The following DNAH8 variants were observed in gnomAD, a reference collection of about 807,000 sequenced individuals.
The protein encoded by DNAH8 is axonemal beta dynein heavy chain 8.
Under a neutral mutation model 562.1 loss-of-function variants are expected in DNAH8, and 382 were observed. That is an observed-to-expected ratio of 0.68 (90% CI 0.63 to 0.74). The LOEUF (loss-of-function observed/expected upper bound fraction) is 0.74, where lower values mean the gene tolerates loss of function less well. Ranked by LOEUF, DNAH8 falls within the 30% of genes least tolerant of loss-of-function variation. The pLI is 0.00. For synonymous variants in DNAH8, 1,881 were observed against 1,919.4 expected (o/e 0.98, Z 0.52); for missense variants, 5,203 against 5,620.4 (o/e 0.93, Z 2.37).
In DNAH8 at chr6:39,007,767, T is replaced by A. The variant is rs1765888745; in HGVS notation, c.13215-1047T>A. ...TTTTCACCCCAACCCTTACTTCTTATCTGAATGTCCTTTTCTGCCTCCCAC... is the reference window on the plus strand; with the variant it reads ...TTTTCACCCCAACCCTTACTTCTTAACTGAATGTCCTTTTCTGCCTCCCAC... On this transcript the variant is annotated intron_variant, in intron 88 of 92. Transcript: ENST00000327475. 3.9e-5 allele frequency among the ~76,000 whole-genome samples: 6 copies of A among 152,286 alleles called. No homozygotes were observed. The South Asian group carries it at 1.2e-3, about 32-fold the overall frequency.
intron 57 of DNAH8, among the ~76,000 whole-genome samples, chr6:38,888,022 A>T (rs951531197): frequency 2.6e-5 from 4 of 151,814 alleles, no homozygotes; most frequent in Non-Finnish European, 2.9e-5. Flanking sequence ...TATTTTTAGT[A>T]GAGACGGGGT....
chr6:39,002,594 GCATGTTT>G (rs1765560820), intron 88 of DNAH8, among the ~76,000 whole-genome samples: 1 of 152,136 alleles, frequency 6.6e-6, no homozygotes, highest in South Asian at 2.1e-4. Flanking sequence ...TCAACTGCAT[GCATGTTT>G]CAACTTTTAA....
At chr6:38,839,647 C>G (rs914149923) in intron 33 of DNAH8, among the ~76,000 whole-genome samples, 1 of 151,798 alleles carries the variant, frequency 6.6e-6, no homozygotes, top group Non-Finnish European at 1.5e-5. Flanking sequence ...TGTGAGCACC[C>G]GCACCCAACC....
At chr6:38,857,434 A>G (rs769109929) in intron 41 of DNAH8, 84 bp from the exon 42 acceptor site, 2 of 839,248 alleles carry the variant, frequency 2.4e-6, no homozygotes, top group Non-Finnish European at 3.8e-6. Flanking sequence ...TTAGTTTAAA[A>G]TGTGAATAAG....
At chr6:38,869,467 C>A (rs1211805604) in intron 48 of DNAH8, among the ~76,000 whole-genome samples, 4 of 152,002 alleles carry the variant, frequency 2.6e-5, no homozygotes, top group African/African-American at 2.4e-5. Flanking sequence ...AATTCCTAGA[C>A]AAGTACTCAA....
chr6:38,767,593 A>G (rs952438839), intron 11 of DNAH8, among the ~76,000 whole-genome samples: 1 of 152,180 alleles, frequency 6.6e-6, no homozygotes, highest in South Asian at 2.1e-4. Context: ...ACTTTGTGCA[A>G]TATTTTCATC....
In DNAH8 at chr6:38,870,420, T is replaced by G. The variant is rs1464451033; in HGVS notation, c.6848T>G (p.Leu2283Arg). The G allele has an allele frequency of 6.2e-7, 1 of 1,613,652 alleles. No homozygotes were observed. The highest frequency in any genetic ancestry group is 8.5e-7 in the Non-Finnish European group (1 of 1,179,834). The change falls in exon 49 of 93, where the codon CTG becomes CGG. Residue 2283 changes from leucine to arginine, a missense_variant. By Grantham distance (102) the Leu-to-Arg change is moderately radical (BLOSUM62 -2). This residue lies in a region of DNAH8 where 2,176 missense variants were observed against 2,365.1 expected (regional missense o/e 0.92). Transcript: ENST00000327475. ...LSKLVDEDEP[L>R]FLSLINDLFP... The stretch of plus-strand genomic sequence containing the variant: ...CCTTAGGTTGATGAAGATGAACCCC[T>G]GTTCCTCAGCTTAATCAATGACCTG...
intron 82 of DNAH8, among the ~76,000 whole-genome samples, chr6:38,959,482 A>C (rs1205315817): frequency 6.6e-6 from 1 of 152,128 alleles, no homozygotes; most frequent in Non-Finnish European, 1.5e-5. Context: ...ACATTGAACT[A>C]TCTGAAAAAG....
At chr6:38,747,389 T>TCTTTTTC (rs71543940) in intron 8 of DNAH8, among the ~76,000 whole-genome samples, 1 of 145,534 alleles carries the variant, frequency 6.9e-6, no homozygotes, top group African/African-American at 2.5e-5. Flanking sequence ...TTTTTCTTTT[T>TCTTTTTC]TTTTTTTTTT....
intron 48 of DNAH8, among the ~76,000 whole-genome samples, chr6:38,869,513 A>C (rs752615228): frequency 1.3e-5 from 2 of 152,164 alleles, no homozygotes; most frequent in Non-Finnish European, 2.9e-5. Context: ...ATAAAGAGAA[A>C]TCATAAGGGG....
chr6:38,720,424 T>C (rs1158030165), intron 1 of DNAH8, among the ~76,000 whole-genome samples: 8 of 152,174 alleles, frequency 5.3e-5, no homozygotes, highest in Non-Finnish European at 1.0e-4. Context: ...CTAGCCAGCA[T>C]TCCCACACTG....
In DNAH8 at chr6:38,770,290, A is replaced by AG. The variant is rs869058145; in HGVS notation, c.1618-123_1618-122insG. The AG allele has an allele frequency of 2.8e-5, 12 of 427,676 alleles. No homozygotes were observed. In the African/African-American group the frequency reaches 6.9e-4, roughly 25 times the overall value. 26.5% of individuals were successfully genotyped at this position (427,676 alleles called of 1,614,324 possible). On this transcript the variant is annotated intron_variant, in intron 11 of 92. Coordinates refer to ENST00000327475, the MANE Select transcript of DNAH8 (RefSeq NM_001206927.2). ...ATGAGGATGAAAATATGGTATAAATAAAAAAAAACTATACAGATTTTCACA... is the reference window on the plus strand; with the variant it reads ...ATGAGGATGAAAATATGGTATAAATAGAAAAAAAACTATACAGATTTTCACA...
At chr6:38,732,046 A>G (rs1343627026) in intron 4 of DNAH8, among the ~76,000 whole-genome samples, 2 of 152,210 alleles carry the variant, frequency 1.3e-5, no homozygotes, top group East Asian at 1.9e-4. Flanking sequence ...ATGTGTTAAC[A>G]TGTAAATGCT....
intron 91 of DNAH8, among the ~76,000 whole-genome samples, chr6:39,014,807 A>G (rs968342763): frequency 2.0e-5 from 3 of 152,150 alleles, no homozygotes; most frequent in Non-Finnish European, 4.4e-5. Flanking sequence ...AGGCTGGAGT[A>G]TGAAAAATCT....
At chr6:38,768,281 C>T (rs184346226) in intron 11 of DNAH8, among the ~76,000 whole-genome samples, 23 of 151,966 alleles carry the variant, frequency 1.5e-4, no homozygotes, top group Admixed American at 1.2e-3. Context: ...TTTGCTTGTT[C>T]GTTTTGAGAC....
chr6:38,826,080 C>T, intron 28 of DNAH8, 76 bp from the exon 29 acceptor site: 1 of 960,978 alleles, frequency 1.0e-6, no homozygotes, highest in Non-Finnish European at 1.5e-6. Context: ...CTGAATTGGA[C>T]AGAGCAATTA....
chr6:39,030,232 A>G lies in DNAH8; in HGVS notation c.13964A>G (p.Asn4655Ser), dbSNP rs766001409. 1 of 1,613,882 alleles carries G rather than the reference A, an allele frequency of 6.2e-7. No individual in the cohort carries two copies. The change falls in exon 93 of 93, where the codon AAC (asparagine) becomes AGC (serine). Residue 4655 changes from asparagine (N) to serine (S), a missense_variant. Physicochemically the swap from Asn to Ser is conservative, Grantham distance 46. Around this residue, in one of 6 missense-constraint regions of DNAH8, gnomAD observed 1,399 missense variants for 1,518.4 expected, o/e 0.92. Coordinates refer to ENST00000327475, the MANE Select transcript of DNAH8 (RefSeq NM_001206927.2). ...CCCGTGCTCCACATCTTTGCCATTA[A>G]CTCCACGGCACCCAAGGACCCCAAG... ...QLPVLHIFAI[N>S]STAPKDPKLY...
intron 26 of DNAH8, among the ~76,000 whole-genome samples, chr6:38,821,988 T>A (rs574933284): frequency 6.6e-6 from 1 of 152,328 alleles, no homozygotes; most frequent in African/African-American, 2.4e-5. Flanking sequence ...TTCTTTTATC[T>A]CTATTTGAAT....
chr6:38,961,145 T>C (rs576232991), intron 82 of DNAH8, among the ~76,000 whole-genome samples: 55 of 151,984 alleles, frequency 3.6e-4, no homozygotes, highest in African/African-American at 1.3e-3. Flanking sequence ...TCTCTTAGAA[T>C]TAGAGTAGAA....
Sources: allele counts gnomAD v4.1 joint callset (sites outside exome capture counted in the v4.1 genomes callset), GRCh38; gene constraint gnomAD v4.1.1; regional missense constraint gnomAD v4.1.1; transcripts MANE v1.5; gene names NCBI Gene and HGNC (gene_info 2026-07-23, HGNC 2026-07-21).